MDH1: variants seen among roughly 807,000 people sequenced by gnomAD.
MDH1 encodes malate dehydrogenase 1.
MDH1 carries 15 observed loss-of-function variants against 38.7 expected under a neutral mutation model. The ratio of observed to expected loss-of-function variants is 0.39; its 90% confidence interval spans 0.26 to 0.60. The LOEUF is 0.60. Among genes scored for constraint, MDH1 ranks in the 20% least tolerant of loss-of-function variants. MDH1 has a pLI of 0.56. For missense variants in MDH1, 368 were observed against 405.2 expected, an observed-to-expected ratio of 0.91 and a Z score of 0.79; for synonymous variants, 144 against 143.6, an observed-to-expected ratio of 1.00 and a Z score of -0.02.
rs755619315 is a variant in MDH1 at position 63,597,517 on chromosome 2, G to A, written c.318G>A (p.Val106=). ...MERKDLLKAN[V]KIFKSQGAAL... is the part of the protein sequence containing the mutation. The stretch of plus-strand genomic sequence containing the variant: ...GAAAAGATTTACTGAAAGCAAATGT[G>A]AAAATCTTCAAATCCCAGGGTGCAG... Residue 106 remains valine, a synonymous_variant, in exon 4 of 9, where the codon GTG becomes GTA. Transcript: ENST00000233114. The A allele has an allele frequency of 3.3e-6, 5 of 1,508,450 alleles. No individual in the cohort carries two copies. Among genetic ancestry groups the A allele is most frequent in the Non-Finnish European group, 4.5e-6 (5 of 1,120,016 alleles). 93.4% of individuals were successfully genotyped at this position (1,508,450 alleles called of 1,614,324 possible). A position where few individuals can be genotyped will look rare whatever the true frequency, so the allele number is the denominator to read the frequency against.
intron 4 of MDH1, 108 bp downstream of exon 4, chr2:63,597,682 C>A: frequency 1.0e-6 from 1 of 990,096 alleles, no homozygotes; most frequent in Non-Finnish European, 1.3e-6. Context: ...TAGTTCTGTA[C>A]AATCATCAGT....
At chr2:63,590,477 T>C (rs372660414) in intron 1 of MDH1, 4 of 152,174 alleles carry the variant, frequency 2.6e-5, no homozygotes, top group African/African-American at 9.7e-5. Context: ...TTTTACTAGC[T>C]GAGATTCCGG....
In MDH1 at chr2:63,606,874, A is replaced by G. The variant is rs750659625; in HGVS notation, c.892A>G (p.Lys298Glu). The stretch of plus-strand genomic sequence containing the variant: ...TATTTTCAAACAGAATAAGACCTGG[A>G]AGTTTGTTGAAGGTCTCCCTATTAA... ...FPVVIKNKTW[K>E]FVEGLPINDF... Residue 298 changes from lysine (K) to glutamate (E), a missense_variant, in exon 9 of 9, where the codon AAG becomes GAG. Physicochemically the swap from Lys to Glu is moderately conservative, Grantham distance 56. Coordinates refer to ENST00000233114, the MANE Select transcript of MDH1 (RefSeq NM_005917.4). 1 of 1,610,898 alleles carries G rather than the reference A, an allele frequency of 6.2e-7. No homozygotes were observed. Among genetic ancestry groups the G allele is most frequent in the Non-Finnish European group, 8.5e-7 (1 of 1,178,148 alleles).
At chr2:63,599,346 T>G in intron 5 of MDH1, 54 bp downstream of exon 5, 1 of 1,555,908 alleles carries the variant, frequency 6.4e-7, no homozygotes, top group African/African-American at 1.4e-5. Context: ...AACATTTTTC[T>G]CTCACTTTTA....
chr2:63,600,666 A>G (rs1709401404), intron 5 of MDH1, among the ~76,000 whole-genome samples: 1 of 152,208 alleles, frequency 6.6e-6, no homozygotes, highest in Non-Finnish European at 1.5e-5. Flanking sequence ...CAGCCTAAAC[A>G]TTCCTAATTT....
chr2:63,591,957 A>T (rs1709208680), intron 1 of MDH1, among the ~76,000 whole-genome samples: 1 of 152,222 alleles, frequency 6.6e-6, no homozygotes, highest in East Asian at 1.9e-4. Flanking sequence ...AGGTTAAGTA[A>T]CTTGTCCTAG....
chr2:63,594,634 G>T, intron 2 of MDH1, 48 bp downstream of exon 2: 1 of 1,321,158 alleles, frequency 7.6e-7, no homozygotes, highest in Admixed American at 1.8e-5. Context: ...TAAGAATATG[G>T]TTAATAAAAA....
chr2:63,599,111 CAT>C, intron 4 of MDH1, 57 bp from the exon 5 acceptor site: 1 of 1,535,002 alleles, frequency 6.5e-7, no homozygotes, highest in Non-Finnish European at 8.8e-7. Flanking sequence ...CAAATTTTAA[CAT>C]AGATTAGTTA....
At chr2:63,604,216 G>A (rs1371891749) in intron 5 of MDH1, among the ~76,000 whole-genome samples, 3 of 151,996 alleles carry the variant, frequency 2.0e-5, no homozygotes, top group African/African-American at 7.3e-5. Context: ...CATATTTAGG[G>A]TTATTTGAAA....
intron 1 of MDH1, among the ~76,000 whole-genome samples, chr2:63,594,015 C>T (rs1393200538): frequency 6.6e-6 from 1 of 152,172 alleles, no homozygotes; most frequent in African/African-American, 2.4e-5. Context: ...CTCCTCCAGA[C>T]AAAGTTGAAG....
At chr2:63,592,275 A>G (rs1256800397) in intron 1 of MDH1, among the ~76,000 whole-genome samples, 3 of 152,228 alleles carry the variant, frequency 2.0e-5, no homozygotes, top group Non-Finnish European at 1.5e-5. Context: ...AGTTGGAACT[A>G]TTGTGGTCAC....
At chr2:63,589,428 C>T (rs1413141806) in intron 1 of MDH1, 10 of 1,522,484 alleles carry the variant, frequency 6.6e-6, no homozygotes, top group Non-Finnish European at 3.6e-6. Flanking sequence ...CCCTTTTTCT[C>T]CTCATTTGCC....
intron 4 of MDH1, 163 bp downstream of exon 4, chr2:63,597,737 G>T (rs900105162): frequency 2.1e-5 from 11 of 523,604 alleles, no homozygotes; most frequent in Non-Finnish European, 3.3e-5. Context: ...CCCTTTCTGG[G>T]TTTTTTCTTA....
chr2:63,606,361 G>A (rs1051720679), intron 8 of MDH1, among the ~76,000 whole-genome samples: 2 of 152,160 alleles, frequency 1.3e-5, no homozygotes, highest in African/African-American at 2.4e-5. Flanking sequence ...GCAACAGAAC[G>A]GGACCCTGTC....
chr2:63,591,358 C>T (rs1194829859), intron 1 of MDH1, among the ~76,000 whole-genome samples: 2 of 152,196 alleles, frequency 1.3e-5, no homozygotes, highest in Admixed American at 6.5e-5. Context: ...CACTAAGCCT[C>T]ATACTACCAT....
Position 63,589,000 on chromosome 2 carries a change from G to C in MDH1, c.-44G>C, listed in dbSNP as rs918741289. On this transcript the variant is annotated 5_prime_UTR_variant, in exon 1 of 9. Coordinates refer to ENST00000233114, the MANE Select transcript of MDH1 (RefSeq NM_005917.4). ...CGGTAGAGGTGACCTGACTCTCTGAGGCTCATTTTGCAGTTGTTGAAATTG... is the reference window on the plus strand; with the variant it reads ...CGGTAGAGGTGACCTGACTCTCTGACGCTCATTTTGCAGTTGTTGAAATTG... 1 of 1,614,164 alleles carries C rather than the reference G, an allele frequency of 6.2e-7. No individual in the cohort carries two copies.
At chr2:63,601,203 T>C (rs905183163) in intron 5 of MDH1, among the ~76,000 whole-genome samples, 4 of 152,226 alleles carry the variant, frequency 2.6e-5, no homozygotes, top group Non-Finnish European at 4.4e-5. Context: ...TAGGGAGTCA[T>C]TGAAGAAGCA....
At chr2:63,599,143 C>T in intron 4 of MDH1, 27 bp from the exon 5 acceptor site, 1 of 1,610,200 alleles carries the variant, frequency 6.2e-7, no homozygotes, top group Non-Finnish European at 8.5e-7. Flanking sequence ...TAGTCTGTAA[C>T]TCTTCAGTGC....
chr2:63,606,800 G>A (rs1218459594), intron 8 of MDH1, 62 bp from the exon 9 acceptor site: 1 of 1,344,270 alleles, frequency 7.4e-7, no homozygotes, highest in Non-Finnish European at 1.0e-6. Flanking sequence ...TTCAAACAAG[G>A]TTGTTGCTTA....
Sources: gnomAD v4.1 joint callset for allele counts (sites outside exome capture counted in the v4.1 genomes callset) on GRCh38, gnomAD v4.1.1 for gene constraint, MANE v1.5 for transcripts, NCBI Gene and HGNC (gene_info 2026-07-23, HGNC 2026-07-21) for gene names.